The following PTP4A1 variants were observed in gnomAD, a reference collection of about 807,000 sequenced individuals.
PTP4A1 encodes the protein protein tyrosine phosphatase 4A1, also known as protein tyrosine phosphatase type IVA 1.
In PTP4A1, 9 loss-of-function variants were observed where a neutral mutation model predicts 20.5. The ratio of observed to expected loss-of-function variants is 0.44; its 90% confidence interval spans 0.26 to 0.77. The LOEUF (loss-of-function observed/expected upper bound fraction) is 0.77, where lower values mean the gene tolerates loss of function less well. Among genes scored for constraint, PTP4A1 ranks in the 30% least tolerant of loss-of-function variants. The probability of loss-of-function intolerance (pLI) is 0.19; values close to 1 mark genes in which losing one functional copy is unlikely to be tolerated. For missense variants in PTP4A1, 137 were observed against 218.8 expected, an observed-to-expected ratio of 0.63 and a Z score of 2.36; for synonymous variants, 78 against 67.4, an observed-to-expected ratio of 1.16 and a Z score of -0.77.
chr6:63,546,915 T>C (rs1456901125), intron 2 of PTP4A1, among the ~76,000 whole-genome samples: 1 of 152,230 alleles, frequency 6.6e-6, no homozygotes, highest in East Asian at 1.9e-4. Flanking sequence ...GTAGTGTATA[T>C]ATATAAACAT....
chr6:63,520,013 C>A (rs1327508691), upstream of PTP4A1, among the ~76,000 whole-genome samples: 1 of 152,180 alleles, frequency 6.6e-6, no homozygotes, highest in African/African-American at 2.4e-5. Context: ...TATCATCTAC[C>A]TATAATTTTT....
At chr6:63,547,226 G>A (rs1414313605) in intron 2 of PTP4A1, among the ~76,000 whole-genome samples, 2 of 138,332 alleles carry the variant, frequency 1.4e-5, no homozygotes, top group African/African-American at 5.4e-5. Context: ...GTCTTGTTGT[G>A]TCACTGAGAC....
At chr6:63,524,684 C>T (rs1171969472) in intron 1 of PTP4A1, among the ~76,000 whole-genome samples, 2 of 152,068 alleles carry the variant, frequency 1.3e-5, no homozygotes, top group Non-Finnish European at 2.9e-5. Flanking sequence ...AAGAGAAATG[C>T]AAAGTGTTAT....
intron 3 of PTP4A1, among the ~76,000 whole-genome samples, chr6:63,566,394 C>T (rs918771112): frequency 6.6e-6 from 1 of 151,994 alleles, no homozygotes; most frequent in African/African-American, 2.4e-5. Context: ...GGCTCAGGGT[C>T]GGGGTCAGTT....
At chr6:63,535,894 T>A (rs906239658) in intron 2 of PTP4A1, among the ~76,000 whole-genome samples, 8 of 152,208 alleles carry the variant, frequency 5.3e-5, no homozygotes, top group Non-Finnish European at 1.2e-4. Context: ...TGCTTCAGCC[T>A]CCCGAGTATC....
intron 2 of PTP4A1, among the ~76,000 whole-genome samples, chr6:63,540,008 A>G (rs1249953657): frequency 1.3e-5 from 2 of 152,204 alleles, no homozygotes; most frequent in African/African-American, 2.4e-5. Flanking sequence ...CTGTTGGTGG[A>G]CACTGATACA....
upstream of PTP4A1, among the ~76,000 whole-genome samples, chr6:63,568,991 A>G (rs926621396): frequency 9.2e-5 from 14 of 152,072 alleles, no homozygotes; most frequent in African/African-American, 2.7e-4. Flanking sequence ...CTAGGTTGAT[A>G]TTGTCACGTT....
chr6:63,555,696 T>TA (rs1426430811), intron 3 of PTP4A1, among the ~76,000 whole-genome samples: 1 of 149,938 alleles, frequency 6.7e-6, no homozygotes, highest in Non-Finnish European at 1.5e-5. Context: ...TACACTCTTT[T>TA]TTTTTTTTTT....
chr6:63,581,106 AGT>A lies in PTP4A1; in HGVS notation c.*937_*938del, dbSNP rs886363847. ...TAATTTTTTTCCCATACTTATCAGAAGTGTGTTTACCAACTTATTTTTGTTTG... is the reference window on the plus strand; with the variant it reads ...TAATTTTTTTCCCATACTTATCAGAAGTGTTTACCAACTTATTTTTGTTTG... On this transcript the variant is annotated 3_prime_UTR_variant, in exon 6 of 6. Transcript: ENST00000626021. The A allele has an allele frequency of 1.3e-5, 2 of 152,154 alleles. No homozygotes were observed. The highest frequency in any genetic ancestry group is 2.1e-4 in the South Asian group (1 of 4,824). 9.4% of individuals were successfully genotyped at this position (152,154 alleles called of 1,614,324 possible).
chr6:63,570,035 CA>C (rs1777352149), upstream of PTP4A1, among the ~76,000 whole-genome samples: 2 of 152,214 alleles, frequency 1.3e-5, no homozygotes, highest in South Asian at 4.1e-4. Flanking sequence ...CAAGCAGGAA[CA>C]TTTAATGGAT....
At chr6:63,568,119 T>C (rs1356018697), upstream of PTP4A1, among the ~76,000 whole-genome samples, 1 of 152,264 alleles carries the variant, frequency 6.6e-6, no homozygotes, top group Non-Finnish European at 1.5e-5. Flanking sequence ...TTCACTTTCT[T>C]ATCATTCCTG....
upstream of PTP4A1, among the ~76,000 whole-genome samples, chr6:63,519,554 GAC>G (rs1041738479): frequency 9.9e-5 from 15 of 152,158 alleles, no homozygotes; most frequent in Admixed American, 9.2e-4. Flanking sequence ...TAAGGGTAAA[GAC>G]ACCACATATG....
intron 2 of PTP4A1, among the ~76,000 whole-genome samples, chr6:63,546,901 A>G (rs1776208785): frequency 1.3e-5 from 2 of 152,196 alleles, no homozygotes; most frequent in South Asian, 2.1e-4. Context: ...GTATTTCGCA[A>G]TGTGTAGTGT....
intron 2 of PTP4A1, among the ~76,000 whole-genome samples, chr6:63,539,915 T>A (rs1204607414): frequency 6.6e-6 from 1 of 152,210 alleles, no homozygotes; most frequent in Non-Finnish European, 1.5e-5. Flanking sequence ...ACCCTTTAGA[T>A]CCATTAATGG....
chr6:63,534,683 C>T (rs1223069327), intron 2 of PTP4A1, among the ~76,000 whole-genome samples: 3 of 151,820 alleles, frequency 2.0e-5, no homozygotes, highest in Non-Finnish European at 4.4e-5. Context: ...CACGGTGGCT[C>T]ATGCCTGTAA....
chr6:63,517,964 C>G (rs1283711786), upstream of PTP4A1, among the ~76,000 whole-genome samples: 2 of 152,034 alleles, frequency 1.3e-5, no homozygotes, highest in Non-Finnish European at 2.9e-5. Context: ...ACGAGCCTGG[C>G]CAGCATGGTG....
chr6:63,566,544 G>A (rs540957208), intron 3 of PTP4A1, among the ~76,000 whole-genome samples: 2 of 152,162 alleles, frequency 1.3e-5, no homozygotes, highest in Non-Finnish European at 1.5e-5. Flanking sequence ...AGGAAGTGGG[G>A]AAAACGGGTA....
rs1355440859 is a variant in PTP4A1 at position 63,572,555 on chromosome 6, TGGTAGAGTCTGGTGCCCCC to T, written c.-608_-590del. ...GCTCTGCTCCGAGCCGCTCACTGCA[TGGTAGAGTCTGGTGCCCCC>T]GCCGCCGCCTGCATCGCCGCCACCG... On this transcript the variant is annotated 5_prime_UTR_variant, in exon 1 of 6. It removes the in-frame stop codon of an upstream open reading frame in the 5' UTR. Coordinates refer to ENST00000626021, the MANE Select transcript of PTP4A1 (RefSeq NM_003463.5). 2.5e-6 allele frequency: 1 copy of T among 406,354 alleles called. No homozygotes were observed. The highest frequency in any genetic ancestry group is 4.3e-6 in the Non-Finnish European group (1 of 233,568). 25.2% of individuals were successfully genotyped at this position (406,354 alleles called of 1,614,324 possible).
chr6:63,578,209 T>G (rs918696143), intron 2 of PTP4A1, among the ~76,000 whole-genome samples: 1 of 152,364 alleles, frequency 6.6e-6, no homozygotes, highest in African/African-American at 2.4e-5. Context: ...CTTTTCCAGT[T>G]TATTAAAAAT....
Sources: allele counts gnomAD v4.1 joint callset (sites outside exome capture counted in the v4.1 genomes callset), GRCh38; gene constraint gnomAD v4.1.1; transcripts MANE v1.5; gene names NCBI Gene and HGNC (gene_info 2026-07-23, HGNC 2026-07-21).